SIPA1L1: variants seen among roughly 807,000 people sequenced by gnomAD.
SIPA1L1 encodes the protein signal induced proliferation associated 1 like 1.
A neutral mutation model predicts 162.7 loss-of-function variants in SIPA1L1; 26 were observed. That is an observed-to-expected ratio of 0.16 (90% CI 0.12 to 0.22). The LOEUF is 0.22. Among genes scored for constraint, SIPA1L1 ranks in the 10% least tolerant of loss-of-function variants. The pLI, the probability that SIPA1L1 is intolerant of heterozygous loss-of-function variation, is 1.00. For synonymous variants in SIPA1L1, 829 were observed against 837.4 expected, an observed-to-expected ratio of 0.99 and a Z score of 0.17; for missense variants, 1,874 against 2,241.0, an observed-to-expected ratio of 0.84 and a Z score of 3.31.
intron 13 of SIPA1L1, among the ~76,000 whole-genome samples, chr14:71,692,689 G>A (rs944955362): frequency 6.6e-6 from 1 of 152,218 alleles, no homozygotes; most frequent in Non-Finnish European, 1.5e-5. Flanking sequence ...GAGTGGCCCA[G>A]GAATGGGAGG....
chr14:71,544,071 G>GCACGCACATGTATGTATATACACACA (rs2054834366), intron 4 of SIPA1L1, among the ~76,000 whole-genome samples: 2 of 142,946 alleles, frequency 1.4e-5, no homozygotes, highest in African/African-American at 5.2e-5. Context: ...ATATACACAC[G>GCACGCACATGTATGTATATACACACA]CACGCACATG....
intron 2 of SIPA1L1, among the ~76,000 whole-genome samples, chr14:71,331,847 GAAAACA>G (rs377012358): frequency 2.9e-3 from 442 of 152,130 alleles, no homozygotes; most frequent in Non-Finnish European, 3.3e-3. Flanking sequence ...GTTAAAAAAT[GAAAACA>G]AAAACAAAAA....
intron 10 of SIPA1L1, among the ~76,000 whole-genome samples, chr14:71,667,117 G>A (rs2044089017): frequency 6.6e-6 from 1 of 152,020 alleles, no homozygotes; most frequent in African/African-American, 2.4e-5. Context: ...CTTCAGGTTT[G>A]GCCTCCTGTC....
intron 2 of SIPA1L1, among the ~76,000 whole-genome samples, chr14:71,491,547 G>T (rs375971839): frequency 0.011 from 1,622 of 145,506 alleles, 29 homozygotes; most frequent in African/African-American, 0.038. Context: ...TGTTGTTATT[G>T]TTGTTTTGAG....
At chr14:71,433,959 A>G (rs1241353283) in intron 2 of SIPA1L1, among the ~76,000 whole-genome samples, 1 of 152,162 alleles carries the variant, frequency 6.6e-6, no homozygotes, top group African/African-American at 2.4e-5. Flanking sequence ...ATGCCTCTCT[A>G]TTTTCCCACT....
chr14:71,419,598 C>T (rs1361115404), intron 2 of SIPA1L1, among the ~76,000 whole-genome samples: 2 of 149,964 alleles, frequency 1.3e-5, no homozygotes, highest in East Asian at 2.0e-4. Flanking sequence ...CCCGGGTTCA[C>T]GCCATTCTCC....
intron 2 of SIPA1L1, among the ~76,000 whole-genome samples, chr14:71,489,701 TAA>T (rs749325240): frequency 1.5e-4 from 21 of 138,240 alleles, no homozygotes; most frequent in Non-Finnish European, 1.1e-4. Flanking sequence ...CTGATTAGCT[TAA>T]AAAAAAAAAA....
chr14:71,408,849 T>C (rs910116014), intron 2 of SIPA1L1, among the ~76,000 whole-genome samples: 6 of 152,208 alleles, frequency 3.9e-5, no homozygotes, highest in African/African-American at 1.4e-4. Context: ...GCTGTGGGCT[T>C]GCATCTGAGC....
intron 22 of SIPA1L1, among the ~76,000 whole-genome samples, chr14:71,736,554 T>C (rs2085311236): frequency 1.3e-5 from 2 of 152,142 alleles, no homozygotes; most frequent in Admixed American, 1.3e-4. Context: ...TGCAAGGAAG[T>C]GCTCTCAACG....
At chr14:71,365,269 C>T (rs1384666314) in intron 2 of SIPA1L1, among the ~76,000 whole-genome samples, 1 of 151,980 alleles carries the variant, frequency 6.6e-6, no homozygotes, top group Non-Finnish European at 1.5e-5. Context: ...CTGCCTCAGC[C>T]TCCCAAAGTG....
intron 2 of SIPA1L1, among the ~76,000 whole-genome samples, chr14:71,439,195 A>G (rs796153390): frequency 6.6e-6 from 1 of 152,186 alleles, no homozygotes; most frequent in African/African-American, 2.4e-5. Flanking sequence ...CTCAGGCTTC[A>G]TTGAACTCAA....
intron 2 of SIPA1L1, among the ~76,000 whole-genome samples, chr14:71,425,335 A>G (rs2043485836): frequency 6.6e-6 from 1 of 151,964 alleles, no homozygotes. Context: ...TTTGTCTTTT[A>G]ATGTAAACAT....
At chr14:71,709,903 T>C (rs1463811809) in intron 17 of SIPA1L1, among the ~76,000 whole-genome samples, 1 of 152,270 alleles carries the variant, frequency 6.6e-6, no homozygotes, top group African/African-American at 2.4e-5. Context: ...AAGTTGGATT[T>C]GATTTTTAAA....
chr14:71,598,226 T>A, intron 5 of SIPA1L1: 1 of 985,400 alleles, frequency 1.0e-6, no homozygotes, highest in South Asian at 4.7e-5. Flanking sequence ...CAGAGACTGA[T>A]TTTTACTATT....
At chr14:71,649,243 A>T (rs994048078) in intron 7 of SIPA1L1, among the ~76,000 whole-genome samples, 2 of 135,862 alleles carry the variant, frequency 1.5e-5, no homozygotes, top group Non-Finnish European at 3.0e-5. Flanking sequence ...CCCAGGCTGG[A>T]GTATGTGGTA....
chr14:71,328,502 A>G (rs780482184), intron 2 of SIPA1L1, among the ~76,000 whole-genome samples: 31 of 152,332 alleles, frequency 2.0e-4, no homozygotes, highest in Non-Finnish European at 3.4e-4. Context: ...AGTGGCTTTT[A>G]TATAATTTTT....
intron 2 of SIPA1L1, among the ~76,000 whole-genome samples, chr14:71,422,087 G>A (rs542666497): frequency 1.1e-4 from 17 of 152,286 alleles, no homozygotes; most frequent in Admixed American, 3.9e-4. Flanking sequence ...TTGTATATGA[G>A]GACGTCTTTC....
chr14:71,442,634 G>A (rs932187633), intron 2 of SIPA1L1, among the ~76,000 whole-genome samples: 5 of 152,046 alleles, frequency 3.3e-5, no homozygotes, highest in African/African-American at 9.7e-5. Flanking sequence ...ATTGTTTAAA[G>A]ATTTGATGAT....
chr14:71,678,180 G>T (rs1300500439), intron 12 of SIPA1L1, among the ~76,000 whole-genome samples: 1 of 152,164 alleles, frequency 6.6e-6, no homozygotes, highest in African/African-American at 2.4e-5. Flanking sequence ...ACGCTATGTT[G>T]AATAAGAGTG....
Sources: gnomAD v4.1 joint callset for allele counts (sites outside exome capture counted in the v4.1 genomes callset) on GRCh38, gnomAD v4.1.1 for gene constraint, MANE v1.5 for transcripts, NCBI Gene and HGNC (gene_info 2026-07-23, HGNC 2026-07-21) for gene names.